Variants in EDRF1 observed in about 807,000 individuals in gnomAD.
EDRF1 encodes erythroid differentiation-related factor 1.
EDRF1 carries 69 observed loss-of-function variants against 148.7 expected under a neutral mutation model. That is an observed-to-expected ratio of 0.46 (90% CI 0.38 to 0.57). The LOEUF (loss-of-function observed/expected upper bound fraction) is 0.57. Among genes scored for constraint, EDRF1 ranks in the 20% least tolerant of loss-of-function variants. The probability of loss-of-function intolerance (pLI) is 0.00; values close to 1 mark genes in which losing one functional copy is unlikely to be tolerated. For synonymous variants in EDRF1, 515 were observed against 532.8 expected (o/e 0.97, Z 0.46); for missense variants, 1,118 against 1,478.7 (o/e 0.76, Z 4.00).
Position 125,735,838 on chromosome 10 carries a change from A to G in EDRF1, c.1692A>G (p.Val564=), listed in dbSNP as rs1848701931. ...SSDPSDDSKA[V]AIIKSVGELS... is the part of the protein sequence containing the mutation. ...ATCCATCAGATGATAGCAAAGCAGT[A>G]GCTATAATCAAGTCTGTTGGAGAAC... The change falls in exon 13 of 25, where the codon GTA becomes GTG. Residue 564 remains valine (V), a synonymous_variant. Coordinates refer to ENST00000356792, the MANE Select transcript of EDRF1 (RefSeq NM_001202438.2). 4 of 1,612,580 alleles carry G rather than the reference A, an allele frequency of 2.5e-6. No homozygotes were observed. Among genetic ancestry groups the G allele is most frequent in the African/African-American group, 1.3e-5 (1 of 74,886 alleles).
At chr10:125,733,863 A>G in intron 11 of EDRF1, 120 bp downstream of exon 11, 1 of 973,572 alleles carries the variant, frequency 1.0e-6, no homozygotes, top group Non-Finnish European at 1.6e-6. Context: ...GTAGGGGGAA[A>G]AATACACGTA....
rs1356093869 is a variant in EDRF1 at position 125,763,600 on chromosome 10, CAG to C, written c.*131_*132del. On this transcript the variant is annotated 3_prime_UTR_variant, in exon 25 of 25. Transcript: ENST00000356792. The surrounding 1 kb of genome is among the most constrained non-coding windows in gnomAD (Gnocchi z 4.3). ...TAAAACAGGTATATCAGTGGAAACA[CAG>C]AGTTATTTTAAGTGACAGACAAATT... 5 of 1,105,126 alleles carry C rather than the reference CAG, an allele frequency of 4.5e-6. No individual in the cohort carries two copies. The highest frequency in any genetic ancestry group is 3.1e-5 in the African/African-American group (2 of 64,120). 68.5% of individuals were successfully genotyped at this position (1,105,126 alleles called of 1,614,324 possible). A position where few individuals can be genotyped will look rare whatever the true frequency, so the allele number is the denominator to read the frequency against.
chr10:125,753,945 T>C lies in EDRF1; in HGVS notation c.3545+100T>C, dbSNP rs1050093313. On this transcript the variant is annotated intron_variant, in intron 24 of 24. Coordinates refer to ENST00000356792, the MANE Select transcript of EDRF1 (RefSeq NM_001202438.2). ...AAAGAAAAACTAGGGGCCAGGCACA[T>C]TGGCTCACACCTGCAATCCCAGCAC... is the stretch of plus-strand genomic sequence containing the variant. 17 of 1,322,330 alleles carry C rather than the reference T, an allele frequency of 1.3e-5. 1 individual carries two copies. The highest frequency in any genetic ancestry group is 2.6e-4 in the Middle Eastern group (1 of 3,858). 81.9% of individuals were successfully genotyped at this position (1,322,330 alleles called of 1,614,324 possible).
At position 125,719,783 on chromosome 10, in the gene EDRF1, G is replaced by T. The variant is rs950061656; in HGVS notation, c.-25G>T. ...GCTGCTGCTCCTCCGCTCCCCCGTC[G>T]TATCGCCTGCCCTGGATCGAAGTGA... On this transcript the variant is annotated 5_prime_UTR_variant, in exon 1 of 25. Transcript: ENST00000356792. The T allele has an allele frequency of 6.3e-7, 1 of 1,592,194 alleles. No homozygotes were observed. Among genetic ancestry groups the T allele is most frequent in the Non-Finnish European group, 8.6e-7 (1 of 1,165,940 alleles).
At chr10:125,725,538 C>G (rs184039093) in intron 5 of EDRF1, 96 bp downstream of exon 5, 114 of 1,571,668 alleles carry the variant, frequency 7.3e-5, no homozygotes, top group African/African-American at 4.3e-4. Flanking sequence ...AGTTTTGCCC[C>G]TGTGATACTG....
chr10:125,750,882 T>A (rs1849603298), intron 22 of EDRF1, among the ~76,000 whole-genome samples: 1 of 152,210 alleles, frequency 6.6e-6, no homozygotes, highest in Non-Finnish European at 1.5e-5. Flanking sequence ...ACTTGCACCT[T>A]TGAATATTCT....
intron 24 of EDRF1, chr10:125,757,022 A>G (rs1182733862): frequency 4.7e-6 from 2 of 429,572 alleles, no homozygotes; most frequent in Non-Finnish European, 4.6e-6. Context: ...CATGTTGCCC[A>G]GGCTGGTCTC....
chr10:125,745,198 TATC>T (rs1228193351), intron 18 of EDRF1: 3 of 171,964 alleles, frequency 1.7e-5, no homozygotes, highest in Admixed American at 5.4e-5. Context: ...TGTAATGAAA[TATC>T]ATAGACTAGG....
intron 8 of EDRF1, 43 bp from the exon 9 acceptor site, chr10:125,730,241 GGAAC>G: frequency 7.1e-7 from 1 of 1,402,002 alleles, no homozygotes; most frequent in Non-Finnish European, 1.0e-6. Context: ...GATTAATTAA[GGAAC>G]ATCTTAATTA....
chr10:125,757,053 T>C, intron 24 of EDRF1: 1 of 436,088 alleles, frequency 2.3e-6, no homozygotes, highest in South Asian at 1.7e-5. Context: ...GGTCAAGCAG[T>C]CCACCTTCCC....
In EDRF1 at chr10:125,737,987, G is replaced by C. The variant is rs1848822991; in HGVS notation, c.1828G>C (p.Glu610Gln). ...TAGACTTGTGCTTAGCTATGTTCTA[G>C]AGGTAAGTTTAAGTTTAGTCTTCAC... The part of the protein sequence containing the change: ...RCRLVLSYVL[E>Q]GLKSVDSSIK... The change falls in exon 14 of 25, where the codon GAG becomes CAG. Residue 610 changes from glutamate to glutamine, a missense_variant and splice_region_variant. Around this residue, in one of 3 missense-constraint regions of EDRF1, gnomAD observed 954 missense variants for 1,241.4 expected, o/e 0.77. Transcript: ENST00000356792. The C allele has an allele frequency of 1.2e-6, 2 of 1,613,708 alleles. No homozygotes were observed. Among genetic ancestry groups the C allele is most frequent in the African/African-American group, 1.3e-5 (1 of 74,912 alleles).
chr10:125,754,650 A>C (rs1849809428), intron 24 of EDRF1, among the ~76,000 whole-genome samples: 1 of 152,224 alleles, frequency 6.6e-6, no homozygotes, highest in Admixed American at 6.5e-5. Context: ...TCTTTTGTCA[A>C]AGTTTGTTAT....
At chr10:125,731,490 G>A (rs1426990440) in intron 9 of EDRF1, among the ~76,000 whole-genome samples, 2 of 152,188 alleles carry the variant, frequency 1.3e-5, no homozygotes, top group East Asian at 1.9e-4. Flanking sequence ...GGGAACACAG[G>A]ATTTATGTAG....
chr10:125,755,030 C>T (rs1015947452), intron 24 of EDRF1, among the ~76,000 whole-genome samples: 1 of 152,192 alleles, frequency 6.6e-6, no homozygotes, highest in Middle Eastern at 3.2e-3. Context: ...CAAGAATTCC[C>T]TCCTGCTGTC....
chr10:125,758,013 C>T lies in EDRF1; in HGVS notation c.3545+4168C>T, dbSNP rs377124497. Among the ~76,000 whole-genome samples, 23 of 152,214 alleles carry T rather than the reference C, an allele frequency of 1.5e-4. No individual in the cohort carries two copies. The East Asian group carries it at 2.7e-3, about 18-fold the overall frequency. Reference sequence around the variant, plus strand: ...GTTATTCCACAGCTCTTGGATATTCCGTTCTGGTTTTTTTGATGCCATTTT... The same window carrying T: ...GTTATTCCACAGCTCTTGGATATTCTGTTCTGGTTTTTTTGATGCCATTTT... On this transcript the variant is annotated intron_variant, in intron 24 of 24. Coordinates refer to ENST00000356792, the MANE Select transcript of EDRF1 (RefSeq NM_001202438.2).
intron 7 of EDRF1, 50 bp downstream of exon 7, chr10:125,729,154 G>T (rs755355180): frequency 1.4e-5 from 22 of 1,521,026 alleles, no homozygotes; most frequent in Non-Finnish European, 1.9e-5. Flanking sequence ...AGTCTACTTT[G>T]TCATTTCAAA....
At chr10:125,740,922 A>G in intron 16 of EDRF1, 79 bp from the exon 17 acceptor site, 4 of 1,429,764 alleles carry the variant, frequency 2.8e-6, no homozygotes. Flanking sequence ...AGCTGGTAAC[A>G]CAGTTTCTTC....
At chr10:125,755,744 T>C (rs1282320174) in intron 24 of EDRF1, among the ~76,000 whole-genome samples, 1 of 152,228 alleles carries the variant, frequency 6.6e-6, no homozygotes, top group Non-Finnish European at 1.5e-5. Flanking sequence ...GTCAAATGTA[T>C]AGATTCACAG....
chr10:125,759,630 A>T (rs1850089349), intron 24 of EDRF1, among the ~76,000 whole-genome samples: 1 of 151,834 alleles, frequency 6.6e-6, no homozygotes, highest in East Asian at 1.9e-4. Context: ...CCAACTCTTT[A>T]AAAAAAAGAA....
Sources: gnomAD v4.1 joint callset for allele counts (sites outside exome capture counted in the v4.1 genomes callset) on GRCh38, gnomAD v4.1.1 for gene constraint, gnomAD v4.1.1 regional missense constraint, Gnocchi (gnomAD v3.1) non-coding constraint, MANE v1.5 for transcripts, NCBI Gene and HGNC (gene_info 2026-07-23, HGNC 2026-07-21) for gene names.